The following LRRC4C variants were observed in gnomAD, a reference collection of about 807,000 sequenced individuals.
LRRC4C encodes leucine rich repeat containing 4C, also known as leucine-rich repeat-containing protein 4C.
A neutral mutation model predicts 33.6 loss-of-function variants in LRRC4C; 5 were observed. The observed-to-expected ratio is 0.15, with a 90% CI of 0.08 to 0.31. LRRC4C has a LOEUF of 0.31. LRRC4C is among the 10% of genes least tolerant of loss of function. The pLI, the probability that LRRC4C is intolerant of heterozygous loss-of-function variation, is 1.00. For synonymous variants in LRRC4C, 329 were observed against 302.0 expected, an observed-to-expected ratio of 1.09 and a Z score of -0.93; for missense variants, 560 against 796.7, an observed-to-expected ratio of 0.70 and a Z score of 3.58.
chr11:40,840,142 C>T (rs191734309), intron 2 of LRRC4C, among the ~76,000 whole-genome samples: 9 of 152,232 alleles, frequency 5.9e-5, no homozygotes, highest in African/African-American at 1.9e-4. Context: ...GGATCCATAA[C>T]ACTTCATGAT....
chr11:41,163,284 G>GTTTTGTTTTTTTTTTTT (rs1944556600), intron 1 of LRRC4C, among the ~76,000 whole-genome samples: 1 of 73,382 alleles, frequency 1.4e-5, no homozygotes, highest in Non-Finnish European at 2.4e-5. Context: ...TACTGTAACT[G>GTTTTGTTTTTTTTTTTT]TTTTTTTTTT....
intron 1 of LRRC4C, among the ~76,000 whole-genome samples, chr11:41,430,732 T>C (rs925690037): frequency 1.3e-5 from 2 of 152,156 alleles, no homozygotes; most frequent in African/African-American, 4.8e-5. Flanking sequence ...AGTGAGGATA[T>C]GCTACGTTAA....
intron 2 of LRRC4C, among the ~76,000 whole-genome samples, chr11:40,837,045 C>T (rs552973076): frequency 2.0e-5 from 3 of 152,094 alleles, no homozygotes; most frequent in Admixed American, 6.5e-5. Flanking sequence ...GTGTTAAAAT[C>T]GGTTTGTTTG....
chr11:41,210,492 T>C (rs1438810382), intron 1 of LRRC4C, among the ~76,000 whole-genome samples: 1 of 152,100 alleles, frequency 6.6e-6, no homozygotes. Context: ...GAACTGTGAG[T>C]CCATTAAACC....
At chr11:40,188,941 C>T (rs1385952393) in intron 5 of LRRC4C, among the ~76,000 whole-genome samples, 1 of 152,170 alleles carries the variant, frequency 6.6e-6, no homozygotes, top group East Asian at 1.9e-4. Flanking sequence ...TTACCTCAAA[C>T]AGTCATGGAG....
intron 3 of LRRC4C, among the ~76,000 whole-genome samples, chr11:40,449,199 C>T (rs1030092840): frequency 6.6e-6 from 1 of 152,144 alleles, no homozygotes; most frequent in African/African-American, 2.4e-5. Context: ...AGGTTGTTCA[C>T]TCTGATGATA....
intron 1 of LRRC4C, among the ~76,000 whole-genome samples, chr11:41,397,045 A>C (rs888439903): frequency 6.6e-6 from 1 of 151,994 alleles, no homozygotes; most frequent in Non-Finnish European, 1.5e-5. Context: ...AGACACAGGG[A>C]GAGTAAATAA....
At chr11:40,661,744 AT>A (rs1943449450) in intron 2 of LRRC4C, among the ~76,000 whole-genome samples, 1 of 152,214 alleles carries the variant, frequency 6.6e-6, no homozygotes, top group Non-Finnish European at 1.5e-5. Context: ...TCCCAAAAGC[AT>A]TTTTTGAATT....
chr11:40,658,101 T>C (rs2136192674), intron 2 of LRRC4C, among the ~76,000 whole-genome samples: 1 of 152,330 alleles, frequency 6.6e-6, no homozygotes, highest in African/African-American at 2.4e-5. Context: ...AAATAAAGAA[T>C]GTTATCTTAT....
At chr11:41,231,196 G>A (rs1376965764) in intron 1 of LRRC4C, among the ~76,000 whole-genome samples, 1 of 152,140 alleles carries the variant, frequency 6.6e-6, no homozygotes, top group Non-Finnish European at 1.5e-5. Context: ...CACTGTGGAA[G>A]TCAGTGTGGT....
At chr11:40,610,139 C>T (rs1469390677) in intron 3 of LRRC4C, among the ~76,000 whole-genome samples, 1 of 151,894 alleles carries the variant, frequency 6.6e-6, no homozygotes, top group African/African-American at 2.4e-5. Flanking sequence ...CCCCAAAATA[C>T]TAGCAAACCA....
chr11:41,411,140 C>CAATTTTTTTTTTTTTTTTTTTTTTTTTTT (rs1954460667), intron 1 of LRRC4C, among the ~76,000 whole-genome samples: 1 of 49,918 alleles, frequency 2.0e-5, no homozygotes, highest in African/African-American at 1.0e-4. Flanking sequence ...GGTTGGTACC[C>CAATTTTTTTTTTTTTTTTTTTTTTTTTTT]TATTTTTTTT....
At chr11:40,827,452 C>T (rs1952213341) in intron 2 of LRRC4C, among the ~76,000 whole-genome samples, 1 of 151,828 alleles carries the variant, frequency 6.6e-6, no homozygotes, top group African/African-American at 2.4e-5. Flanking sequence ...AAAAGTTCCT[C>T]TTGAGCCTAA....
At chr11:41,184,838 T>C (rs1945618733) in intron 1 of LRRC4C, among the ~76,000 whole-genome samples, 1 of 147,374 alleles carries the variant, frequency 6.8e-6, no homozygotes, top group Non-Finnish European at 1.5e-5. Flanking sequence ...AAAAAAGGTT[T>C]AATGGACTTA....
chr11:40,682,296 C>T (rs138491447), intron 2 of LRRC4C, among the ~76,000 whole-genome samples: 1,645 of 148,742 alleles, frequency 0.011, 20 homozygotes, highest in South Asian at 0.027. Context: ...ATAAAAGTAA[C>T]TCACTGTGCT....
At chr11:41,218,011 C>G (rs1269628040) in intron 1 of LRRC4C, among the ~76,000 whole-genome samples, 3 of 152,084 alleles carry the variant, frequency 2.0e-5, no homozygotes, top group Admixed American at 2.0e-4. Flanking sequence ...GATATGTGTT[C>G]TCATCCAAAT....
chr11:40,361,864 A>G (rs1026059112), intron 3 of LRRC4C, among the ~76,000 whole-genome samples: 1 of 152,180 alleles, frequency 6.6e-6, no homozygotes, highest in African/African-American at 2.4e-5. Flanking sequence ...TTCAAACCAT[A>G]CTACAGGGCT....
chr11:41,112,866 A>T (rs1180108695), intron 1 of LRRC4C, among the ~76,000 whole-genome samples: 1 of 152,100 alleles, frequency 6.6e-6, no homozygotes, highest in Non-Finnish European at 1.5e-5. Flanking sequence ...AAAACAAATG[A>T]TGAAAACAAC....
intron 2 of LRRC4C, among the ~76,000 whole-genome samples, chr11:40,851,729 G>A (rs976453851): frequency 6.6e-6 from 1 of 152,068 alleles, no homozygotes; most frequent in African/African-American, 2.4e-5. Context: ...GCAGTGAGCC[G>A]ACATCACACC....
Sources: allele counts gnomAD v4.1 joint callset (sites outside exome capture counted in the v4.1 genomes callset), GRCh38; gene constraint gnomAD v4.1.1; transcripts MANE v1.5; gene names NCBI Gene and HGNC (gene_info 2026-07-23, HGNC 2026-07-21).